Variants in DTNB observed in about 807,000 individuals in gnomAD.
DTNB encodes the protein dystrobrevin beta.
DTNB carries 63 observed loss-of-function variants against 90.7 expected under a neutral mutation model. The ratio of observed to expected loss-of-function variants is 0.69; its 90% CI spans 0.57 to 0.86. The LOEUF is 0.86. Ranked by LOEUF, DTNB falls within the 40% of genes least tolerant of loss-of-function variation. The pLI, the probability that DTNB is intolerant of heterozygous loss-of-function variation, is 0.00. For missense variants in DTNB, 744 were observed against 807.1 expected (o/e 0.92, Z 0.95); for synonymous variants, 277 against 286.7 (o/e 0.97, Z 0.34).
At chr2:25,565,775 A>G (rs1305166350) in intron 8 of DTNB, among the ~76,000 whole-genome samples, 1 of 152,146 alleles carries the variant, frequency 6.6e-6, no homozygotes, top group African/African-American at 2.4e-5. Flanking sequence ...TCACTTGCTC[A>G]TGTTGTATAG....
intron 9 of DTNB, among the ~76,000 whole-genome samples, chr2:25,511,506 A>G (rs1003563539): frequency 6.6e-6 from 1 of 151,954 alleles, no homozygotes; most frequent in East Asian, 1.9e-4. Flanking sequence ...TAATTTTTCT[A>G]TTTTTAGTAG....
intron 8 of DTNB, among the ~76,000 whole-genome samples, chr2:25,560,201 C>T (rs2058046389): frequency 6.6e-6 from 1 of 152,206 alleles, no homozygotes; most frequent in Admixed American, 6.5e-5. Context: ...TGAGATTGTG[C>T]CTCTGCACTC....
At chr2:25,388,417 A>G (rs2040148651) in intron 16 of DTNB, 56 bp from the exon 17 acceptor site, 2 of 1,537,650 alleles carry the variant, frequency 1.3e-6, no homozygotes, top group African/African-American at 1.4e-5. Context: ...TCTTTGAGGA[A>G]GGAAGAAAGT....
intron 8 of DTNB, among the ~76,000 whole-genome samples, chr2:25,565,260 G>A (rs2058847139): frequency 6.6e-6 from 1 of 152,034 alleles, no homozygotes; most frequent in Non-Finnish European, 1.5e-5. Flanking sequence ...TTAAGAGACA[G>A]GGTCTCACTC....
intron 8 of DTNB, among the ~76,000 whole-genome samples, chr2:25,545,551 T>A (rs993404377): frequency 1.3e-5 from 2 of 152,332 alleles, no homozygotes; most frequent in African/African-American, 4.8e-5. Context: ...GAAGACTTGC[T>A]ATACCTGCAT....
chr2:25,463,966 C>T (rs573944046), intron 10 of DTNB, among the ~76,000 whole-genome samples: 14 of 152,326 alleles, frequency 9.2e-5, no homozygotes, highest in Admixed American at 2.6e-4. Context: ...AGTGCAGTGG[C>T]GCAATCTCGG....
intron 9 of DTNB, among the ~76,000 whole-genome samples, chr2:25,515,882 A>G (rs1040919059): frequency 6.6e-6 from 1 of 152,000 alleles, no homozygotes; most frequent in African/African-American, 2.4e-5. Flanking sequence ...TGGCTGCTTC[A>G]TTTCTAAGAT....
chr2:25,379,361 C>CGGCCAG, intron 19 of DTNB, 38 bp from the exon 20 acceptor site: 5 of 1,309,836 alleles, frequency 3.8e-6, no homozygotes, highest in Non-Finnish European at 4.9e-6. Context: ...ACTGAGGTCA[C>CGGCCAG]GGCCAGGTCT....
At chr2:25,405,100 G>A (rs1283477186) in intron 16 of DTNB, among the ~76,000 whole-genome samples, 2 of 151,962 alleles carry the variant, frequency 1.3e-5, no homozygotes, top group African/African-American at 4.8e-5. Context: ...GCTAATTACT[G>A]TATTTTTTGT....
At position 25,501,459 on chromosome 2, in the gene DTNB, A is replaced by C. The variant is rs997537173; in HGVS notation, c.1002-18586T>G. The stretch of plus-strand genomic sequence containing the variant: ...CAGTAGTCAGATCTCAGCTCACCGC[A>C]ATCTCCACCTCCCAGGCTTAAACGA... On this transcript the variant is annotated intron_variant, in intron 9 of 20. Coordinates refer to ENST00000406818, the MANE Select transcript of DTNB (RefSeq NM_021907.5). Among the ~76,000 whole-genome samples, 3 of 151,562 alleles carry C rather than the reference A, an allele frequency of 2.0e-5. No individual in the cohort carries two copies. The South Asian group carries it at 6.3e-4, about 32-fold the overall frequency.
intron 13 of DTNB, among the ~76,000 whole-genome samples, chr2:25,433,321 G>A (rs1408407532): frequency 6.6e-6 from 1 of 152,194 alleles, no homozygotes; most frequent in Non-Finnish European, 1.5e-5. Context: ...GGAACTCCTT[G>A]CAACCTCCTA....
intron 19 of DTNB, among the ~76,000 whole-genome samples, chr2:25,382,519 C>CTT (rs3041261): frequency 0.016 from 1,179 of 72,066 alleles, 201 homozygotes; most frequent in African/African-American, 0.026. Context: ...AGTTCTCTGC[C>CTT]TTTTTTTTTT....
In DTNB at chr2:25,628,303, CTGATCTCGG is replaced by C; in HGVS notation, c.221_229del (p.Thr74_Ile76del). 1 of 1,613,694 alleles carries C rather than the reference CTGATCTCGG, an allele frequency of 6.2e-7. No individual in the cohort carries two copies. The highest frequency in any genetic ancestry group is 8.5e-7 in the Non-Finnish European group (1 of 1,179,834). ...GATGACAGTTTCGAGGCGGGACACA[CTGATCTCGG>C]TGGTATGGTCCAGTGTATTAAGGCC... is the stretch of plus-strand genomic sequence containing the variant. On this transcript the variant is annotated inframe_deletion, in exon 4 of 21. Coordinates refer to ENST00000406818, the MANE Select transcript of DTNB (RefSeq NM_021907.5).
At chr2:25,393,642 A>G (rs1051111059) in intron 16 of DTNB, among the ~76,000 whole-genome samples, 3 of 151,994 alleles carry the variant, frequency 2.0e-5, no homozygotes, top group African/African-American at 7.2e-5. Flanking sequence ...ATACCTGCAA[A>G]AAATAAAATA....
chr2:25,433,889 G>A, intron 13 of DTNB, 21 bp downstream of exon 13: 1 of 1,612,392 alleles, frequency 6.2e-7, no homozygotes, highest in East Asian at 2.2e-5. Flanking sequence ...CTGGAAGTGG[G>A]CTCAGCCTCT....
chr2:25,587,059 T>C (rs191355251), intron 6 of DTNB, among the ~76,000 whole-genome samples: 7 of 152,070 alleles, frequency 4.6e-5, no homozygotes, highest in South Asian at 4.2e-4. Flanking sequence ...AAAGATCCCA[T>C]GGTATGCTAA....
intron 20 of DTNB, among the ~76,000 whole-genome samples, chr2:25,378,917 G>A (rs972543644): frequency 1.3e-5 from 2 of 152,230 alleles, no homozygotes; most frequent in African/African-American, 4.8e-5. Context: ...TGGATCCCAG[G>A]AAGGAAGTGG....
At chr2:25,460,421 G>T (rs2060747872) in intron 10 of DTNB, among the ~76,000 whole-genome samples, 1 of 152,130 alleles carries the variant, frequency 6.6e-6, no homozygotes, top group African/African-American at 2.4e-5. Flanking sequence ...TATTATCAGT[G>T]TTATAAAAAG....
At chr2:25,439,280 A>G (rs972392076) in intron 12 of DTNB, among the ~76,000 whole-genome samples, 3 of 152,106 alleles carry the variant, frequency 2.0e-5, no homozygotes, top group African/African-American at 7.2e-5. Flanking sequence ...GTGGGAGGTC[A>G]TTTGAGGCCA....
Sources: gnomAD v4.1 joint callset for allele counts (sites outside exome capture counted in the v4.1 genomes callset) on GRCh38, gnomAD v4.1.1 for gene constraint, MANE v1.5 for transcripts, NCBI Gene and HGNC (gene_info 2026-07-23, HGNC 2026-07-21) for gene names.